The following EPB41L5 variants were observed in gnomAD, a reference collection of about 807,000 sequenced individuals.
EPB41L5 encodes band 4.1-like protein 5.
Under a neutral mutation model 106.6 loss-of-function variants are expected in EPB41L5, and 55 were observed. The ratio of observed to expected loss-of-function variants is 0.52; its 90% CI spans 0.42 to 0.65. The LOEUF is 0.65. Ranked by LOEUF, EPB41L5 falls within the 30% of genes least tolerant of loss-of-function variation. The pLI is 0.00. For missense variants in EPB41L5, 871 were observed against 882.1 expected (o/e 0.99, Z 0.16); for synonymous variants, 297 against 306.7 (o/e 0.97, Z 0.33).
intron 10 of EPB41L5, among the ~76,000 whole-genome samples, chr2:120,085,768 A>G (rs1683013683): frequency 6.6e-6 from 1 of 152,158 alleles, no homozygotes; most frequent in Non-Finnish European, 1.5e-5. Context: ...TGGGTGTTAA[A>G]TCCCCTCATA....
chr2:120,163,737 T>G (rs1687249741), intron 21 of EPB41L5, among the ~76,000 whole-genome samples: 1 of 151,654 alleles, frequency 6.6e-6, no homozygotes, highest in Non-Finnish European at 1.5e-5. Flanking sequence ...GGAGGATCAC[T>G]TGAACCCAGG....
intron 3 of EPB41L5, among the ~76,000 whole-genome samples, chr2:120,054,494 A>C (rs1482585429): frequency 1.3e-5 from 2 of 149,180 alleles, no homozygotes; most frequent in Non-Finnish European, 3.0e-5. Flanking sequence ...GTTTTCTTCT[A>C]AAAGTTTTTT....
At chr2:120,086,205 C>A (rs1683043935) in intron 10 of EPB41L5, among the ~76,000 whole-genome samples, 2 of 152,082 alleles carry the variant, frequency 1.3e-5, no homozygotes, top group Non-Finnish European at 2.9e-5. Context: ...TGTTTCCTTT[C>A]TTTTTCCTGC....
At chr2:120,074,718 A>G (rs1368954265) in intron 5 of EPB41L5, among the ~76,000 whole-genome samples, 1 of 152,146 alleles carries the variant, frequency 6.6e-6, no homozygotes, top group Non-Finnish European at 1.5e-5. Flanking sequence ...CCATATACAC[A>G]TACTATTTAT....
intron 1 of EPB41L5, 175 bp downstream of exon 1, chr2:120,013,385 T>C (rs1677273209): frequency 6.6e-6 from 1 of 151,738 alleles, no homozygotes; most frequent in Non-Finnish European, 1.5e-5. Context: ...AGGGCATTAA[T>C]CCCGCCGGAG....
In EPB41L5 at chr2:120,147,369, G is replaced by A. The variant is rs188390092; in HGVS notation, c.1793+1080G>A. 1.9e-3 allele frequency among the ~76,000 whole-genome samples: 287 copies of A among 152,132 alleles called. 3 individuals carry two copies. The South Asian group carries it at 0.024, about 13-fold the overall frequency. Reference sequence around the variant, plus strand: ...GGTTTTTTTTCTAAGGGGCCAGGCCGTGGTGGCTCACGCCTGTAGTCCCAG... The same window carrying A: ...GGTTTTTTTTCTAAGGGGCCAGGCCATGGTGGCTCACGCCTGTAGTCCCAG... On this transcript the variant is annotated intron_variant, in intron 20 of 24. Transcript: ENST00000263713.
intron 9 of EPB41L5, among the ~76,000 whole-genome samples, chr2:120,077,889 G>A (rs1251355962): frequency 6.6e-6 from 1 of 152,082 alleles, no homozygotes; most frequent in Non-Finnish European, 1.5e-5. Context: ...CTCCCTCTCA[G>A]GAGGCCTCAG....
chr2:120,165,994 A>C (rs1277850439), intron 22 of EPB41L5, among the ~76,000 whole-genome samples: 6 of 149,172 alleles, frequency 4.0e-5, no homozygotes, highest in South Asian at 4.2e-4. Context: ...AAAAAAAAAA[A>C]CAGAAATGAC....
intron 24 of EPB41L5, among the ~76,000 whole-genome samples, chr2:120,170,176 A>G (rs1037701632): frequency 6.6e-6 from 1 of 152,214 alleles, no homozygotes; most frequent in African/African-American, 2.4e-5. Context: ...GTGAAAATTA[A>G]TAACTACAAC....
Position 120,019,116 on chromosome 2 carries a change from G to T in EPB41L5, c.32G>T (p.Arg11Leu), listed in dbSNP as rs780794331. 6.2e-7 allele frequency: 1 copy of T among 1,612,196 alleles called. No individual in the cohort carries two copies. The highest frequency in any genetic ancestry group is 8.5e-7 in the Non-Finnish European group (1 of 1,179,680). The stretch of plus-strand genomic sequence containing the variant: ...AGTTTCTTCCGTAGAACACTAGGGC[G>T]TCGGTCTATGCGTAAACATGCAGAG... MLSFFRRTLGRRSMRKHAEKE... is the reference protein window; with the variant it reads MLSFFRRTLGLRSMRKHAEKE... The change falls in exon 2 of 25, where the codon CGT (arginine) becomes CTT (leucine). Residue 11 changes from arginine (R) to leucine (L), a missense_variant. By Grantham distance (102) the Arg-to-Leu change is moderately radical. Transcript: ENST00000263713.
intron 2 of EPB41L5, among the ~76,000 whole-genome samples, chr2:120,035,177 GT>G (rs1343763038): frequency 6.6e-6 from 1 of 152,104 alleles, no homozygotes; most frequent in African/African-American, 2.4e-5. Context: ...ATTTCCCATA[GT>G]TACCTTGTTC....
At chr2:120,025,909 T>G (rs1678279038) in intron 2 of EPB41L5, among the ~76,000 whole-genome samples, 1 of 152,246 alleles carries the variant, frequency 6.6e-6, no homozygotes, top group Non-Finnish European at 1.5e-5. Context: ...AATAAGTTGG[T>G]GTGCGACTGG....
chr2:120,099,193 A>G (rs1231929492), intron 14 of EPB41L5, among the ~76,000 whole-genome samples: 1 of 152,106 alleles, frequency 6.6e-6, no homozygotes. Context: ...TTTTTACATT[A>G]GTTGAATTTC....
At chr2:120,034,769 C>T (rs1167019732) in intron 2 of EPB41L5, among the ~76,000 whole-genome samples, 23 of 151,988 alleles carry the variant, frequency 1.5e-4, no homozygotes, top group Non-Finnish European at 2.9e-5. Context: ...GGAGACTGAG[C>T]CGAAAGGATT....
chr2:120,054,767 G>C lies in EPB41L5; in HGVS notation c.285+12657G>C, dbSNP rs978663691. Reference sequence around the variant, plus strand: ...TTGTTAAAATGACTTGAAGGGTCTTGTTGCATGCTTGTTGGAAATCTATTT... The same window carrying C: ...TTGTTAAAATGACTTGAAGGGTCTTCTTGCATGCTTGTTGGAAATCTATTT... On this transcript the variant is annotated intron_variant, in intron 3 of 24. Transcript: ENST00000263713. Among the ~76,000 whole-genome samples, 9 of 151,504 alleles carry C rather than the reference G, an allele frequency of 5.9e-5. No individual in the cohort carries two copies. In the East Asian group the frequency reaches 1.4e-3, roughly 23 times the overall value.
At chr2:120,071,911 A>G (rs1222356110) in intron 3 of EPB41L5, among the ~76,000 whole-genome samples, 1 of 152,210 alleles carries the variant, frequency 6.6e-6, no homozygotes, top group African/African-American at 2.4e-5. Context: ...GTGGCCACAA[A>G]AGCCAGAATT....
intron 16 of EPB41L5, among the ~76,000 whole-genome samples, chr2:120,120,674 C>CA (rs572847088): frequency 2.5e-3 from 383 of 151,752 alleles, no homozygotes; most frequent in Middle Eastern, 0.014. Context: ...CCTGGAAGCT[C>CA]AAAAAAACCC....
intron 3 of EPB41L5, among the ~76,000 whole-genome samples, chr2:120,047,417 G>A (rs1679867788): frequency 6.6e-6 from 1 of 151,866 alleles, no homozygotes; most frequent in Admixed American, 6.6e-5. Context: ...TATTCTCTTT[G>A]AAGCAATTGT....
rs893606314 is a variant in EPB41L5, at chr2:120,013,087, G to C, written c.-132G>C. ...GGGCGGGAGGTCGGGGTCCTCCGGG[G>C]ATTAGAGCCGGTGGGCTCGTTGTGG... is the stretch of plus-strand genomic sequence containing the variant. On this transcript the variant is annotated 5_prime_UTR_variant, in exon 1 of 25. Coordinates refer to ENST00000263713, the MANE Select transcript of EPB41L5 (RefSeq NM_020909.4). The C allele has an allele frequency of 6.6e-6, 1 of 152,254 alleles. No individual in the cohort carries two copies. The highest frequency in any genetic ancestry group is 1.5e-5 in the Non-Finnish European group (1 of 68,074). The allele number at this position is 152,254 out of a possible 1,614,324, so 9.4% of individuals were successfully genotyped here.
Sources: allele counts gnomAD v4.1 joint callset (sites outside exome capture counted in the v4.1 genomes callset), GRCh38; gene constraint gnomAD v4.1.1; transcripts MANE v1.5; gene names NCBI Gene and HGNC (gene_info 2026-07-23, HGNC 2026-07-21).